Variants in PLXNC1 observed in about 807,000 individuals in gnomAD.
The protein encoded by PLXNC1 is plexin-C1.
PLXNC1 carries 75 observed loss-of-function variants against 178.2 expected under a neutral mutation model. That is an observed-to-expected ratio of 0.42 (90% CI 0.35 to 0.51). PLXNC1 has a LOEUF of 0.51. Ranked by LOEUF, PLXNC1 falls within the 20% of genes least tolerant of loss-of-function variation. The pLI is 0.02. For synonymous variants in PLXNC1, 790 were observed against 779.9 expected (o/e 1.01, Z -0.22); for missense variants, 1,503 against 1,984.4 (o/e 0.76, Z 4.61).
At chr12:94,242,678 G>A (rs1322322995) in intron 11 of PLXNC1, among the ~76,000 whole-genome samples, 1 of 152,128 alleles carries the variant, frequency 6.6e-6, no homozygotes, top group Non-Finnish European at 1.5e-5. Context: ...CAAGGCTCTA[G>A]CATGACATCC....
intron 20 of PLXNC1, among the ~76,000 whole-genome samples, chr12:94,263,818 GGGTGGCAGGA>G (rs1483179016): frequency 2.6e-5 from 4 of 152,154 alleles, no homozygotes; most frequent in Non-Finnish European, 5.9e-5. Context: ...AGAAGCTGCA[GGGTGGCAGGA>G]GGTGGCAAGA....
chr12:94,217,239 C>G (rs1044175321), intron 5 of PLXNC1, among the ~76,000 whole-genome samples: 1 of 152,126 alleles, frequency 6.6e-6, no homozygotes, highest in Non-Finnish European at 1.5e-5. Context: ...CATGGCACGC[C>G]CACTCCATGC....
At chr12:94,273,943 C>T (rs1358190068) in intron 21 of PLXNC1, among the ~76,000 whole-genome samples, 1 of 151,974 alleles carries the variant, frequency 6.6e-6, no homozygotes, top group Non-Finnish European at 1.5e-5. Flanking sequence ...TCTGCGTCAC[C>T]ATCTCCCAGT....
chr12:94,156,700 C>A (rs1378717178), intron 1 of PLXNC1, among the ~76,000 whole-genome samples: 7 of 144,312 alleles, frequency 4.9e-5, no homozygotes, highest in East Asian at 2.1e-4. Context: ...ACACTGGAAA[C>A]TTTCTTTCTT....
chr12:94,244,152 T>A (rs1964466634), intron 12 of PLXNC1, 127 bp downstream of exon 12: 1 of 508,866 alleles, frequency 2.0e-6, no homozygotes, highest in African/African-American at 1.9e-5. Context: ...ACCTATGCTA[T>A]CATATATTCT....
chr12:94,253,226 A>G lies in PLXNC1; in HGVS notation c.2882-1561A>G, dbSNP rs542492544. ...CTCCGTCTCAGAAAAAAAAAAAAAA[A>G]AAAAAAAAAAAAGCACTTTGTATTT... On this transcript the variant is annotated intron_variant, in intron 15 of 30. Transcript: ENST00000258526. 1.2e-3 allele frequency among the ~76,000 whole-genome samples: 179 copies of G among 151,070 alleles called. 2 individuals carry two copies. The Middle Eastern group carries it at 0.017, about 14-fold the overall frequency.
At chr12:94,190,603 C>A (rs1962685713) in intron 4 of PLXNC1, among the ~76,000 whole-genome samples, 1 of 152,132 alleles carries the variant, frequency 6.6e-6, no homozygotes, top group African/African-American at 2.4e-5. Context: ...AAGAGTGATT[C>A]ATTTAAAATC....
At chr12:94,253,211 G>GAAAAAAA (rs35584186) in intron 15 of PLXNC1, among the ~76,000 whole-genome samples, 7 of 42,022 alleles carry the variant, frequency 1.7e-4, no homozygotes, top group Admixed American at 3.8e-4. Flanking sequence ...CTCCGTCTCA[G>GAAAAAAA]AAAAAAAAAA....
chr12:94,203,877 G>A (rs1963214605), intron 4 of PLXNC1, among the ~76,000 whole-genome samples: 1 of 152,250 alleles, frequency 6.6e-6, no homozygotes. Flanking sequence ...AGTGAGAGGT[G>A]TTTAGGTCAT....
chr12:94,272,167 C>T (rs536803022), intron 21 of PLXNC1: 14 of 152,284 alleles, frequency 9.2e-5, no homozygotes, highest in African/African-American at 3.4e-4. Context: ...AGGCATCATT[C>T]CCAAATCAAT....
Position 94,304,042 on chromosome 12 carries a change from T to C in PLXNC1, c.4593T>C (p.Tyr1531=). ...LTEIYKYIVK[Y]FDEILNKLER... ...AAATTTACAAATACATCGTAAAATA[T>C]TTTGATGAGGTAAGATTTTAAATAA... is the stretch of plus-strand genomic sequence containing the variant. Residue 1531 remains tyrosine (Y), a synonymous_variant, in exon 30 of 31, where the codon TAT becomes TAC. Transcript: ENST00000258526. The C allele has an allele frequency of 1.3e-6, 2 of 1,533,050 alleles. No homozygotes were observed. Among genetic ancestry groups the C allele is most frequent in the Non-Finnish European group, 1.8e-6 (2 of 1,108,354 alleles). 95.0% of individuals were successfully genotyped at this position (1,533,050 alleles called of 1,614,324 possible). A position where few individuals can be genotyped will look rare whatever the true frequency, so the allele number is the denominator to read the frequency against.
chr12:94,264,378 T>C (rs1019093087), intron 20 of PLXNC1, among the ~76,000 whole-genome samples: 1 of 151,946 alleles, frequency 6.6e-6, no homozygotes, highest in Non-Finnish European at 1.5e-5. Context: ...ATGGGCCGAG[T>C]GTTTGGAGAA....
chr12:94,296,962 CT>C (rs747685804), intron 24 of PLXNC1, among the ~76,000 whole-genome samples: 10 of 152,260 alleles, frequency 6.6e-5, no homozygotes, highest in African/African-American at 9.6e-5. Context: ...TCAGAGATCA[CT>C]AGGGAATCTA....
intron 2 of PLXNC1, among the ~76,000 whole-genome samples, chr12:94,174,618 A>G (rs922910687): frequency 6.6e-6 from 1 of 152,190 alleles, no homozygotes; most frequent in African/African-American, 2.4e-5. Context: ...TTTTGAATGA[A>G]TGTCAGAGAA....
chr12:94,207,365 A>G (rs1266706291), intron 4 of PLXNC1, among the ~76,000 whole-genome samples: 1 of 152,074 alleles, frequency 6.6e-6, no homozygotes, highest in African/African-American at 2.4e-5. Context: ...AAAAAGTAAA[A>G]TGGAAACCTC....
chr12:94,290,869 G>A (rs1967246096), intron 23 of PLXNC1, among the ~76,000 whole-genome samples: 1 of 152,202 alleles, frequency 6.6e-6, no homozygotes, highest in Non-Finnish European at 1.5e-5. Context: ...GAAGTGACAG[G>A]GTCAGTCCTC....
intron 4 of PLXNC1, among the ~76,000 whole-genome samples, chr12:94,199,778 GT>G (rs1378310541): frequency 6.6e-6 from 1 of 152,180 alleles, no homozygotes; most frequent in Non-Finnish European, 1.5e-5. Flanking sequence ...AGGCTTTTTT[GT>G]TTGTTTGTTT....
chr12:94,266,387 A>G (rs1450159804), intron 21 of PLXNC1, among the ~76,000 whole-genome samples: 1 of 152,212 alleles, frequency 6.6e-6, no homozygotes, highest in African/African-American at 2.4e-5. Context: ...TTGTATCAAT[A>G]CACCCATCCA....
At chr12:94,227,057 G>T in intron 8 of PLXNC1, 92 bp from the exon 9 acceptor site, 2 of 856,038 alleles carry the variant, frequency 2.3e-6, no homozygotes, top group South Asian at 1.5e-5. Context: ...ATAAATGTTT[G>T]TGACTGCCTG....
Sources: gnomAD v4.1 joint callset for allele counts (sites outside exome capture counted in the v4.1 genomes callset) on GRCh38, gnomAD v4.1.1 for gene constraint, MANE v1.5 for transcripts, NCBI Gene and HGNC (gene_info 2026-07-23, HGNC 2026-07-21) for gene names.